HIVEP1: variants seen among roughly 807,000 people sequenced by gnomAD.
The protein encoded by HIVEP1 is zinc finger protein 40.
HIVEP1 carries 36 observed loss-of-function variants against 180.0 expected under a neutral mutation model. That is an observed-to-expected ratio of 0.20 (90% confidence interval 0.15 to 0.26). HIVEP1 has a LOEUF of 0.26. Ranked by LOEUF, HIVEP1 falls within the 10% of genes least tolerant of loss-of-function variation. The pLI, the probability that HIVEP1 is intolerant of heterozygous loss-of-function variation, is 1.00. For synonymous variants in HIVEP1, 1,239 were observed against 1,239.0 expected, an observed-to-expected ratio of 1.00 and a Z score of 0.00; for missense variants, 3,143 against 3,268.7, an observed-to-expected ratio of 0.96 and a Z score of 0.94.
intron 3 of HIVEP1, among the ~76,000 whole-genome samples, chr6:12,099,656 A>G (rs9369083): frequency 0.27 from 40,527 of 151,984 alleles, 6,340 homozygotes; most frequent in Non-Finnish European, 0.35. Flanking sequence ...ATCTTCCCCT[A>G]TACAGTTTTG....
At chr6:12,168,326 A>AC (rs1562024989), downstream of HIVEP1, among the ~76,000 whole-genome samples, 40 of 132,704 alleles carry the variant, frequency 3.0e-4, no homozygotes, top group South Asian at 1.1e-3. Context: ...ATACATATAT[A>AC]TTATATAATT....
chr6:12,062,392 TA>T (rs1190870459), intron 2 of HIVEP1, among the ~76,000 whole-genome samples: 19 of 152,202 alleles, frequency 1.2e-4, no homozygotes, highest in Admixed American at 7.2e-4. Flanking sequence ...GTACGATATT[TA>T]AATGTATAAA....
At chr6:12,157,835 T>C (rs1760152142) in intron 7 of HIVEP1, among the ~76,000 whole-genome samples, 1 of 152,176 alleles carries the variant, frequency 6.6e-6, no homozygotes, top group African/African-American at 2.4e-5. Flanking sequence ...CCCCTCAGTT[T>C]TTGTTTTTCT....
the HIVEP1 span, among the ~76,000 whole-genome samples, chr6:12,211,843 C>T: frequency 6.6e-6 from 1 of 152,138 alleles, no homozygotes; most frequent in Non-Finnish European, 1.5e-5. Flanking sequence ...TGTGAGGAGA[C>T]TCATTCAATC....
chr6:12,065,697 G>A (rs866593539), intron 2 of HIVEP1, among the ~76,000 whole-genome samples: 2 of 121,676 alleles, frequency 1.6e-5, no homozygotes, highest in Non-Finnish European at 3.6e-5. Context: ...GTGTGCGTGT[G>A]TGTGTGTGTG....
chr6:12,096,057 A>ATTTTTTTTCTC (rs2113367766), intron 3 of HIVEP1, among the ~76,000 whole-genome samples: 1 of 152,100 alleles, frequency 6.6e-6, no homozygotes, highest in African/African-American at 2.4e-5. Flanking sequence ...TTTTTTTAAC[A>ATTTTTTTTCTC]TTATTTTCTG....
At chr6:12,179,863 A>G in the HIVEP1 span, among the ~76,000 whole-genome samples, 1 of 152,082 alleles carries the variant, frequency 6.6e-6, no homozygotes, top group Non-Finnish European at 1.5e-5. Flanking sequence ...TTACTTATTT[A>G]TTATTTATAA....
chr6:12,011,021 G>C (rs1305183764), upstream of HIVEP1, among the ~76,000 whole-genome samples: 2 of 152,138 alleles, frequency 1.3e-5, no homozygotes, highest in Non-Finnish European at 2.9e-5. Flanking sequence ...CGCAGCTTCG[G>C]CACTGGGAAG....
In HIVEP1 at chr6:12,063,606, G is replaced by A. The variant is rs144048246; in HGVS notation, c.41-25578G>A. ...GAGGCAGAGGCAGATGTCTTGGGGAGAGAAGGGGCTTGGATCTGGGTGGCT... is the reference window on the plus strand; with the variant it reads ...GAGGCAGAGGCAGATGTCTTGGGGAAAGAAGGGGCTTGGATCTGGGTGGCT... On this transcript the variant is annotated intron_variant, in intron 2 of 8. Coordinates refer to ENST00000379388, the MANE Select transcript of HIVEP1 (RefSeq NM_002114.4). The surrounding 1 kb of genome is among the most constrained non-coding windows in gnomAD (Gnocchi z 4.2). Among the ~76,000 whole-genome samples the A allele has an allele frequency of 2.6e-5, 4 of 152,288 alleles. No individual in the cohort carries two copies. In the East Asian group the frequency reaches 7.7e-4, roughly 29 times the overall value.
intron 2 of HIVEP1, among the ~76,000 whole-genome samples, chr6:12,070,573 G>A (rs149832740): frequency 4.6e-5 from 7 of 152,160 alleles, no homozygotes; most frequent in East Asian, 1.9e-4. Context: ...GACTACCATC[G>A]TACATTTAGT....
chr6:12,103,333 T>G (rs556481086), intron 3 of HIVEP1, among the ~76,000 whole-genome samples: 4 of 152,290 alleles, frequency 2.6e-5, no homozygotes, highest in Non-Finnish European at 4.4e-5. Flanking sequence ...ATCTGTGTTT[T>G]GCAGATAATG....
chr6:12,016,576 G>C (rs915359495), intron 2 of HIVEP1, among the ~76,000 whole-genome samples: 11 of 152,142 alleles, frequency 7.2e-5, no homozygotes, highest in Non-Finnish European at 1.3e-4. Context: ...GGTGATCTTT[G>C]AAAATGCAGT....
At position 12,163,605 on chromosome 6, in the gene HIVEP1, T is replaced by G; in HGVS notation, c.7301T>G (p.Val2434Gly). 6 of 1,614,038 alleles carry G rather than the reference T, an allele frequency of 3.7e-6. No homozygotes were observed. Among genetic ancestry groups the G allele is most frequent in the Non-Finnish European group, 5.1e-6 (6 of 1,179,968 alleles). ...VQLTIPAVSV[V>G]HRTLGTHRNT... is the part of the protein sequence containing the mutation. Reference sequence around the variant, plus strand: ...CTCACGATCCCTGCTGTCAGTGTCGTTCACAGAACTTTGGGTACTCATAGG... The same window carrying G: ...CTCACGATCCCTGCTGTCAGTGTCGGTCACAGAACTTTGGGTACTCATAGG... Residue 2434 changes from valine (V) to glycine (G), a missense_variant, in exon 9 of 9, where the codon GTT becomes GGT. Val to Gly is a moderately radical substitution (Grantham distance 109, BLOSUM62 -3). Transcript: ENST00000379388.
Position 12,161,590 on chromosome 6 carries a change from G to T in HIVEP1, c.6639G>T (p.Pro2213=). 10 of 1,614,110 alleles carry T rather than the reference G, an allele frequency of 6.2e-6. No individual in the cohort carries two copies. Among genetic ancestry groups the T allele is most frequent in the Non-Finnish European group, 7.6e-6 (9 of 1,180,012 alleles). The change falls in exon 8 of 9, where the codon CCG becomes CCT. Residue 2213 remains proline, a synonymous_variant. Transcript: ENST00000379388. Reference sequence around the variant, plus strand: ...CCACACCCTCAGTCACAGCTAGCCCGCAGCACCTTCCATCTAGAAGTAGCC... The same window carrying T: ...CCACACCCTCAGTCACAGCTAGCCCTCAGCACCTTCCATCTAGAAGTAGCC... The part of the protein sequence containing the change: ...LSATPSVTAS[P]QHLPSRSSLQ...
rs1757915101 is a variant in HIVEP1 at position 12,124,381 on chromosome 6, T to G, written c.4586T>G (p.Leu1529Arg). Reference protein sequence around the residue: ...HAPPSHQSTQLSLQVSTQGSK... With the variant: ...HAPPSHQSTQRSLQVSTQGSK... Reference sequence around the variant, plus strand: ...CCGCCTAGCCACCAGAGCACACAGCTATCTCTGCAAGTGTCTACGCAGGGT... The same window carrying G: ...CCGCCTAGCCACCAGAGCACACAGCGATCTCTGCAAGTGTCTACGCAGGGT... Residue 1529 changes from leucine to arginine, a missense_variant, in exon 4 of 9, where the codon CTA (leucine) becomes CGA (arginine). By Grantham distance (102) the Leu-to-Arg change is moderately radical. This residue lies in a region of HIVEP1 where 1,357 missense variants were observed against 1,260.5 expected (regional missense o/e 1.08). Coordinates refer to ENST00000379388, the MANE Select transcript of HIVEP1 (RefSeq NM_002114.4). 2 of 1,614,112 alleles carry G rather than the reference T, an allele frequency of 1.2e-6. No homozygotes were observed. Among genetic ancestry groups the G allele is most frequent in the South Asian group, 1.1e-5 (1 of 91,078 alleles).
rs200876372 is a variant in HIVEP1, at chr6:12,121,707, C to A, written c.1912C>A (p.His638Asn). 1.2e-6 allele frequency: 2 copies of A among 1,614,208 alleles called. No individual in the cohort carries two copies. The highest frequency in any genetic ancestry group is 1.7e-6 in the Non-Finnish European group (2 of 1,180,036). Residue 638 changes from histidine to asparagine, a missense_variant, in exon 4 of 9, where the codon CAC becomes AAC. By Grantham distance (68) the His-to-Asn change is moderately conservative. This residue lies in a region of HIVEP1 where 365 missense variants were observed against 344.4 expected (regional missense o/e 1.06). Transcript: ENST00000379388. This position sits in a 1 kb window ranked among gnomAD's most constrained non-coding sequence, Gnocchi z 5.3. ...TCCACTGGAAGGAAAGCAAGACTCT[C>A]ACGTAGGAACGGTACACGCCCAGCT... Reference protein sequence around the residue: ...MNPLEGKQDSHVGTVHAQLQR... With the variant: ...MNPLEGKQDSNVGTVHAQLQR...
chr6:12,112,129 A>G (rs4714201), intron 3 of HIVEP1, among the ~76,000 whole-genome samples: 40,074 of 152,138 alleles, frequency 0.26, 6,176 homozygotes, highest in Non-Finnish European at 0.35. Flanking sequence ...TCTGAAAAAA[A>G]TCTTGCTATG....
At chr6:12,042,331 T>C (rs1162886772) in intron 2 of HIVEP1, among the ~76,000 whole-genome samples, 1 of 149,352 alleles carries the variant, frequency 6.7e-6, no homozygotes, top group Non-Finnish European at 1.5e-5. Context: ...TCCACCCGCC[T>C]CGGCCTCCCA....
chr6:12,126,004 AAGAC>A (rs755567181), intron 4 of HIVEP1, 134 bp downstream of exon 4: 4 of 620,880 alleles, frequency 6.4e-6, no homozygotes, highest in African/African-American at 1.8e-5. Flanking sequence ...TCTTATTTGA[AAGAC>A]AGGGTGATAT....
Sources: gnomAD v4.1 joint callset for allele counts (sites outside exome capture counted in the v4.1 genomes callset) on GRCh38, gnomAD v4.1.1 for gene constraint, gnomAD v4.1.1 regional missense constraint, Gnocchi (gnomAD v3.1) non-coding constraint, MANE v1.5 for transcripts, NCBI Gene and HGNC (gene_info 2026-07-23, HGNC 2026-07-21) for gene names.